RBM26: variants seen among roughly 807,000 people sequenced by gnomAD.
RBM26 encodes RNA-binding protein 26.
In RBM26, 30 loss-of-function variants were observed where a neutral mutation model predicts 123.6. The observed-to-expected ratio is 0.24, with a 90% CI of 0.18 to 0.33. The LOEUF is 0.33. RBM26 is among the 10% of genes least tolerant of loss of function. The probability of loss-of-function intolerance (pLI) is 1.00; values close to 1 mark genes in which losing one functional copy is unlikely to be tolerated. For missense variants in RBM26, 947 were observed against 1,203.6 expected (o/e 0.79, Z 3.15); for synonymous variants, 400 against 404.4 (o/e 0.99, Z 0.13).
intron 6 of RBM26, among the ~76,000 whole-genome samples, chr13:79,368,338 T>C (rs1390284667): frequency 2.6e-5 from 4 of 152,240 alleles, no homozygotes; most frequent in African/African-American, 9.6e-5. Context: ...AAGTCTTTAA[T>C]TCTTTAATAA....
At chr13:79,355,168 G>A in intron 12 of RBM26, 52 bp downstream of exon 12, 1 of 1,547,658 alleles carries the variant, frequency 6.5e-7, no homozygotes, top group South Asian at 1.1e-5. Context: ...TAAACGCTAT[G>A]CTAAGAGCTT....
chr13:79,383,926 C>T (rs2140297279), intron 1 of RBM26, among the ~76,000 whole-genome samples: 1 of 152,238 alleles, frequency 6.6e-6, no homozygotes, highest in South Asian at 2.1e-4. Flanking sequence ...TGCAAATATG[C>T]TTTATGGCTA....
intron 1 of RBM26, among the ~76,000 whole-genome samples, chr13:79,384,612 C>T (rs1039041714): frequency 6.6e-5 from 10 of 152,042 alleles, no homozygotes; most frequent in Admixed American, 6.6e-4. Flanking sequence ...TCATGCATAC[C>T]CTTTAAAAGC....
chr13:79,377,282 G>T, intron 3 of RBM26, 97 bp downstream of exon 3: 1 of 1,014,908 alleles, frequency 9.9e-7, no homozygotes. Context: ...GAGTGGTCCT[G>T]AGGACTCCAA....
chr13:79,342,332 A>C (rs2071540448), intron 17 of RBM26, among the ~76,000 whole-genome samples: 1 of 151,784 alleles, frequency 6.6e-6, no homozygotes, highest in Non-Finnish European at 1.5e-5. Context: ...TGTTATTCAT[A>C]CTTGTCTATT....
At chr13:79,367,331 C>T (rs1368268487) in intron 6 of RBM26, among the ~76,000 whole-genome samples, 3 of 145,498 alleles carry the variant, frequency 2.1e-5, no homozygotes, top group Non-Finnish European at 4.5e-5. Context: ...CGCTAGAACC[C>T]GGGAGGCAGT....
At chr13:79,353,639 G>C (rs562891875) in intron 13 of RBM26, among the ~76,000 whole-genome samples, 177 of 152,142 alleles carry the variant, frequency 1.2e-3, no homozygotes, top group Admixed American at 2.3e-3. Flanking sequence ...GATAGGACTG[G>C]GAATTTTTTA....
intron 9 of RBM26, among the ~76,000 whole-genome samples, chr13:79,362,917 T>G (rs2074869454): frequency 6.6e-6 from 1 of 152,192 alleles, no homozygotes; most frequent in South Asian, 2.1e-4. Flanking sequence ...TGATCTAATA[T>G]TAAATAGTTT....
At chr13:79,317,946 G>C (rs1343897918), downstream of RBM26, among the ~76,000 whole-genome samples, 8 of 151,556 alleles carry the variant, frequency 5.3e-5, no homozygotes, top group Non-Finnish European at 1.2e-4. Context: ...CTATAAGCCT[G>C]GCTTTGTGAT....
At chr13:79,366,257 A>T in intron 7 of RBM26, 62 bp from the exon 8 acceptor site, 1 of 1,513,830 alleles carries the variant, frequency 6.6e-7, no homozygotes, top group Non-Finnish European at 9.0e-7. Flanking sequence ...AAGTTATTGC[A>T]CATCCGAACA....
intron 9 of RBM26, among the ~76,000 whole-genome samples, chr13:79,360,787 C>T (rs377483220): frequency 2.6e-5 from 4 of 152,266 alleles, no homozygotes; most frequent in African/African-American, 9.6e-5. Flanking sequence ...TTTATATTTA[C>T]TTACATGGCA....
chr13:79,380,297 A>G (rs1483129887), intron 1 of RBM26, among the ~76,000 whole-genome samples: 1 of 152,158 alleles, frequency 6.6e-6, no homozygotes, highest in East Asian at 1.9e-4. Flanking sequence ...TTCAACCCCT[A>G]AAGAAATCTT....
chr13:79,354,774 T>G (rs2073767841), intron 12 of RBM26, among the ~76,000 whole-genome samples: 1 of 152,214 alleles, frequency 6.6e-6, no homozygotes, highest in African/African-American at 2.4e-5. Context: ...TGGAATAAAT[T>G]AAAGTCCAAC....
At chr13:79,366,969 T>C in intron 6 of RBM26, 97 bp from the exon 7 acceptor site, 1 of 1,034,842 alleles carries the variant, frequency 9.7e-7, no homozygotes, top group Non-Finnish European at 1.3e-6. Context: ...AATATGAATA[T>C]TTTTAATATT....
downstream of RBM26, chr13:79,314,833 G>A (rs944160935): frequency 6.8e-6 from 3 of 438,012 alleles, no homozygotes; most frequent in Non-Finnish European, 1.2e-5. Flanking sequence ...GAACTGTAGA[G>A]ATAAAATGCT....
At chr13:79,329,802 G>A (rs2069012053) in intron 20 of RBM26, among the ~76,000 whole-genome samples, 1 of 152,106 alleles carries the variant, frequency 6.6e-6, no homozygotes, top group African/African-American at 2.4e-5. Flanking sequence ...ACCCTGACTG[G>A]ATATTTGATA....
At chr13:79,316,036 A>T (rs574319959), downstream of RBM26, among the ~76,000 whole-genome samples, 22 of 151,982 alleles carry the variant, frequency 1.4e-4, no homozygotes, top group Admixed American at 6.6e-4. Flanking sequence ...TGTACACTAG[A>T]AATTTAATTC....
intron 1 of RBM26, among the ~76,000 whole-genome samples, chr13:79,384,974 C>A (rs1056285904): frequency 8.5e-5 from 13 of 152,126 alleles, no homozygotes; most frequent in African/African-American, 7.2e-5. Flanking sequence ...GGAATTTAAC[C>A]CAAGCTTCCA....
intron 5 of RBM26, among the ~76,000 whole-genome samples, chr13:79,370,722 TCTGTATCATCGTGGCTATC>T (rs1229532769): frequency 3.0e-4 from 45 of 152,238 alleles, no homozygotes; most frequent in African/African-American, 1.1e-3. Flanking sequence ...ATAGAATCAG[TCTGTATCATCGTGGCTATC>T]CTGTTGAATG....
Sources: allele counts gnomAD v4.1 joint callset (sites outside exome capture counted in the v4.1 genomes callset), GRCh38; gene constraint gnomAD v4.1.1; transcripts MANE v1.5; gene names NCBI Gene and HGNC (gene_info 2026-07-23, HGNC 2026-07-21).